TCEAL2: variants seen among roughly 807,000 people sequenced by gnomAD.
TCEAL2 encodes transcription elongation factor A like 2, also known as transcription elongation factor A protein-like 2.
For synonymous variants in TCEAL2, 65 were observed against 57.9 expected (o/e 1.12, Z -0.55); for missense variants, 169 against 166.6 (o/e 1.01, Z -0.08).
chrX:102,127,610 C>A lies in TCEAL2; in HGVS notation c.*96C>A. 1.0e-6 allele frequency: 1 copy of A among 966,606 alleles called. No homozygotes were observed. The highest frequency in any genetic ancestry group is 1.4e-6 in the Non-Finnish European group (1 of 722,297). The allele number at this position is 966,606 out of a possible 1,213,427, so 79.7% of individuals were successfully genotyped here. ...CTGCTACCAGTAGCGTTTTGACCCA[C>A]CTGCCAGTGTTTGCTTGCTCTATGT... On this transcript the variant is annotated 3_prime_UTR_variant, in exon 3 of 3. Transcript: ENST00000372780.
intron 2 of TCEAL2, 87 bp from the exon 3 acceptor site, chrX:102,126,717 G>A: frequency 1.1e-6 from 1 of 914,542 alleles, no homozygotes; most frequent in Non-Finnish European, 1.5e-6. Flanking sequence ...TGAGATGCAA[G>A]TAGTATCCAG....
rs1369053281 is a variant in TCEAL2, at chrX:102,127,712, A to G, written c.*198A>G. 3 of 358,095 alleles carry G rather than the reference A, an allele frequency of 8.4e-6. No individual in the cohort carries two copies. The highest frequency in any genetic ancestry group is 1.1e-4 in the Admixed American group (2 of 18,214). 29.5% of individuals were successfully genotyped at this position (358,095 alleles called of 1,213,427 possible). The stretch of plus-strand genomic sequence containing the variant: ...GAAAAATAAAGCAGCTTATAATATC[A>G]TCTACAGAATCTGTCTGTTTTTGTT... On this transcript the variant is annotated 3_prime_UTR_variant, in exon 3 of 3. Transcript: ENST00000372780.
In TCEAL2 at chrX:102,127,362, G is replaced by A; in HGVS notation, c.532G>A (p.Glu178Lys). 2 of 1,210,951 alleles carry A rather than the reference G, an allele frequency of 1.7e-6. No individual in the cohort carries two copies. Among genetic ancestry groups the A allele is most frequent in the Non-Finnish European group, 2.2e-6 (2 of 895,341 alleles). Reference sequence around the variant, plus strand: ...AGAATTTGACAACATGGCTAGGGTGGAGGATAAAAGGAGAAAAAGCAAACA... The same window carrying A: ...AGAATTTGACAACATGGCTAGGGTGAAGGATAAAAGGAGAAAAAGCAAACA... The part of the protein sequence containing the change: ...IREFDNMARV[E>K]DKRRKSKQKL... The change falls in exon 3 of 3, where the codon GAG becomes AAG. Residue 178 changes from glutamate to lysine, a missense_variant. Transcript: ENST00000372780.
In TCEAL2 at chrX:102,127,054, A is replaced by C; in HGVS notation, c.224A>C (p.Lys75Thr). 1 of 1,199,091 alleles carries C rather than the reference A, an allele frequency of 8.3e-7. No homozygotes were observed. The highest frequency in any genetic ancestry group is 1.7e-5 in the African/African-American group (1 of 57,317). ...GCGGGAAAGGCAAAAGGAGAAGGAAAGTCAGAGAGGAAGGGAAAGTCAGAG... is the reference window on the plus strand; with the variant it reads ...GCGGGAAAGGCAAAAGGAGAAGGAACGTCAGAGAGGAAGGGAAAGTCAGAG... ...ESAGKAKGEG[K>T]SERKGKSEMQ... Residue 75 changes from lysine to threonine, a missense_variant, in exon 3 of 3, where the codon AAG becomes ACG. Transcript: ENST00000372780.
chrX:102,127,673 C>A lies in TCEAL2; in HGVS notation c.*159C>A. 4.1e-6 allele frequency: 2 copies of A among 486,247 alleles called. No individual in the cohort carries two copies. Among genetic ancestry groups the A allele is most frequent in the Non-Finnish European group, 6.3e-6 (2 of 317,978 alleles). 40.1% of individuals were successfully genotyped at this position (486,247 alleles called of 1,213,427 possible). On this transcript the variant is annotated 3_prime_UTR_variant, in exon 3 of 3. Transcript: ENST00000372780. ...TTTTCACACATGTGCATTGCAGAGA[C>A]GTCATGATTCGTGGAAAAATAAAGC...
rs1932898391 is a variant in TCEAL2 at position 102,126,927 on chromosome X, G to T, written c.97G>T (p.Ala33Ser). ...QPPHEGKPEV[A>S]CILEDKKLEN... ...ACCGCACGAGGGAAAGCCAGAAGTA[G>T]CTTGTATTCTGGAAGACAAGAAGTT... Residue 33 changes from alanine (A) to serine (S), a missense_variant, in exon 3 of 3, where the codon GCT (alanine) becomes TCT (serine). Coordinates refer to ENST00000372780, the MANE Select transcript of TCEAL2 (RefSeq NM_080390.4). 1 of 1,210,189 alleles carries T rather than the reference G, an allele frequency of 8.3e-7. No homozygotes were observed. The highest frequency in any genetic ancestry group is 1.1e-6 in the Non-Finnish European group (1 of 894,902).
At chrX:102,126,223 C>G (rs1276487367) in intron 1 of TCEAL2, 150 bp from the exon 2 acceptor site, 2 of 606,319 alleles carry the variant, frequency 3.3e-6, no homozygotes, top group Non-Finnish European at 4.7e-6. Flanking sequence ...GTTTGGTGCC[C>G]GAGGCCTGGA....
rs767245434 is a variant in TCEAL2 at position 102,127,336 on chromosome X, G to C, written c.506G>C (p.Arg169Thr). 2 of 1,211,253 alleles carry C rather than the reference G, an allele frequency of 1.7e-6. No homozygotes were observed. The highest frequency in any genetic ancestry group is 4.4e-5 in the Admixed American group (2 of 45,914). The change falls in exon 3 of 3, where the codon AGA becomes ACA. Residue 169 changes from arginine (R) to threonine (T), a missense_variant. Arg to Thr is a moderately conservative substitution (Grantham distance 71). Transcript: ENST00000372780. ...AATTTCAGCAATGAGGACATGATAA[G>C]AGAATTTGACAACATGGCTAGGGTG... ...DMNFSNEDMI[R>T]EFDNMARVED...
chrX:102,126,130 T>A (rs1444080595), intron 1 of TCEAL2: 6 of 322,984 alleles, frequency 1.9e-5, no homozygotes, highest in Admixed American at 9.3e-5. Flanking sequence ...ACACTTGATC[T>A]CCGCAAAAAT....
In TCEAL2 at chrX:102,127,019, G is replaced by A. The variant is rs761103216; in HGVS notation, c.189G>A (p.Lys63=). 1.9e-5 allele frequency: 23 copies of A among 1,208,278 alleles called. No individual in the cohort carries two copies. Among genetic ancestry groups the A allele is most frequent in the Non-Finnish European group, 2.6e-5 (23 of 893,651 alleles). The change falls in exon 3 of 3, where the codon AAG becomes AAA. Residue 63 remains lysine (K), a synonymous_variant. Transcript: ENST00000372780. The part of the protein sequence containing the change: ...RVEEPLKDKE[K]PESAGKAKGE... ...AGGAACCGTTAAAGGATAAAGAAAA[G>A]CCAGAGAGTGCGGGAAAGGCAAAAG... is the stretch of plus-strand genomic sequence containing the variant.
intron 1 of TCEAL2, 36 bp from the exon 2 acceptor site, chrX:102,126,337 G>T (rs1287806081): frequency 1.0e-6 from 1 of 979,834 alleles, no homozygotes; most frequent in African/African-American, 1.9e-5. Context: ...CCCGCTAAGC[G>T]CGCAGCCCCT....
chrX:102,127,686 G>T lies in TCEAL2; in HGVS notation c.*172G>T. The T allele has an allele frequency of 2.2e-6, 1 of 458,657 alleles. No individual in the cohort carries two copies. Among genetic ancestry groups the T allele is most frequent in the Non-Finnish European group, 3.4e-6 (1 of 295,351 alleles). 37.8% of individuals were successfully genotyped at this position (458,657 alleles called of 1,213,427 possible). A position where few individuals can be genotyped will look rare whatever the true frequency, so the allele number is the denominator to read the frequency against. On this transcript the variant is annotated 3_prime_UTR_variant, in exon 3 of 3. Transcript: ENST00000372780. ...GCATTGCAGAGACGTCATGATTCGT[G>T]GAAAAATAAAGCAGCTTATAATATC...
chrX:102,127,599 G>A lies in TCEAL2; in HGVS notation c.*85G>A. The A allele has an allele frequency of 9.7e-7, 1 of 1,026,908 alleles. No homozygotes were observed. Among genetic ancestry groups the A allele is most frequent in the African/African-American group, 1.9e-5 (1 of 53,015 alleles). The allele number at this position is 1,026,908 out of a possible 1,213,427, so 84.6% of individuals were successfully genotyped here. A position where few individuals can be genotyped will look rare whatever the true frequency, so the allele number is the denominator to read the frequency against. On this transcript the variant is annotated 3_prime_UTR_variant, in exon 3 of 3. Coordinates refer to ENST00000372780, the MANE Select transcript of TCEAL2 (RefSeq NM_080390.4). The stretch of plus-strand genomic sequence containing the variant: ...AGTCGTTCCTCCTGCTACCAGTAGC[G>A]TTTTGACCCACCTGCCAGTGTTTGC...
In TCEAL2 at chrX:102,126,793, C is replaced by T. The variant is rs551169962; in HGVS notation, c.-27-11C>T. 36 of 1,174,719 alleles carry T rather than the reference C, an allele frequency of 3.1e-5. No individual in the cohort carries two copies. The highest frequency in any genetic ancestry group is 6.0e-5 in the East Asian group (2 of 33,608). On this transcript the variant is annotated splice_polypyrimidine_tract_variant and intron_variant, in intron 2 of 2. Coordinates refer to ENST00000372780, the MANE Select transcript of TCEAL2 (RefSeq NM_080390.4). ...TCTTTGTCTCCTCTTCCCTCCACACCCATCCCCCAGGAAAGGAAAAGGAGG... is the reference window on the plus strand; with the variant it reads ...TCTTTGTCTCCTCTTCCCTCCACACTCATCCCCCAGGAAAGGAAAAGGAGG...
rs769668121 is a variant in TCEAL2, at chrX:102,126,860, A to T, written c.30A>T (p.Gly10=). The T allele has an allele frequency of 3.3e-6, 4 of 1,205,583 alleles. No individual in the cohort carries two copies. The highest frequency in any genetic ancestry group is 3.4e-6 in the Non-Finnish European group (3 of 893,835). MEKLFNENE[G]MPSNQGKIDN... ...AAAAACTCTTCAATGAAAATGAAGG[A>T]ATGCCTTCGAATCAAGGAAAGATAG... Residue 10 remains glycine, a synonymous_variant, in exon 3 of 3, where the codon GGA becomes GGT. Coordinates refer to ENST00000372780, the MANE Select transcript of TCEAL2 (RefSeq NM_080390.4).
At chrX:102,126,236 GA>G (rs1305393832) in intron 1 of TCEAL2, 136 bp from the exon 2 acceptor site, 17 of 657,998 alleles carry the variant, frequency 2.6e-5, no homozygotes, top group Middle Eastern at 5.5e-4. Flanking sequence ...GGCCTGGAAA[GA>G]AATGGCGGCT....
In TCEAL2 at chrX:102,126,387, T is replaced by C; in HGVS notation, c.-86T>C. Reference sequence around the variant, plus strand: ...TCTGTCCGCAGGTCTGCGCGTCTGTTGTTCCCAGCGCTCTGAGAGGCCTGA... The same window carrying C: ...TCTGTCCGCAGGTCTGCGCGTCTGTCGTTCCCAGCGCTCTGAGAGGCCTGA... On this transcript the variant is annotated 5_prime_UTR_variant, in exon 2 of 3. Transcript: ENST00000372780. 1 of 1,105,739 alleles carries C rather than the reference T, an allele frequency of 9.0e-7. No individual in the cohort carries two copies. The highest frequency in any genetic ancestry group is 2.0e-5 in the South Asian group (1 of 51,214). 91.1% of individuals were successfully genotyped at this position (1,105,739 alleles called of 1,213,427 possible). A position where few individuals can be genotyped will look rare whatever the true frequency, so the allele number is the denominator to read the frequency against.
intron 2 of TCEAL2, 26 bp from the exon 3 acceptor site, chrX:102,126,778 C>T: frequency 1.2e-5 from 14 of 1,149,492 alleles, no homozygotes; most frequent in Non-Finnish European, 1.5e-5. Context: ...TCTTTGTCTC[C>T]TCTTCCCTCC....
At position 102,127,049 on chromosome X, in the gene TCEAL2, A is replaced by AGGAAAGTCAGAGAGGAAG; in HGVS notation, c.233_250dup (p.Arg78_Glu83dup). Reference sequence around the variant, plus strand: ...AGAGTGCGGGAAAGGCAAAAGGAGAAGGAAAGTCAGAGAGGAAGGGAAAGT... The same window carrying AGGAAAGTCAGAGAGGAAG: ...AGAGTGCGGGAAAGGCAAAAGGAGAAGGAAAGTCAGAGAGGAAGGGAAAGTCAGAGAGGAAGGGAAAGT... On this transcript the variant is annotated inframe_insertion, in exon 3 of 3. Coordinates refer to ENST00000372780, the MANE Select transcript of TCEAL2 (RefSeq NM_080390.4). The AGGAAAGTCAGAGAGGAAG allele has an allele frequency of 1.7e-6, 2 of 1,200,286 alleles. No individual in the cohort carries two copies. Among genetic ancestry groups the AGGAAAGTCAGAGAGGAAG allele is most frequent in the Non-Finnish European group, 2.3e-6 (2 of 888,583 alleles).
Sources: allele counts gnomAD v4.1 joint callset, GRCh38; gene constraint gnomAD v4.1.1; transcripts MANE v1.5; gene names NCBI Gene and HGNC (gene_info 2026-07-23, HGNC 2026-07-21).